Variants in TBX15 observed in about 807,000 individuals in gnomAD.
TBX15 encodes T-box transcription factor 15.
A neutral mutation model predicts 53.9 loss-of-function variants in TBX15; 18 were observed. The ratio of observed to expected loss-of-function variants is 0.33; its 90% CI spans 0.23 to 0.49. TBX15 has a LOEUF of 0.49. TBX15 is among the 20% of genes least tolerant of loss of function. The pLI is 0.98. For synonymous variants in TBX15, 295 were observed against 278.0 expected (o/e 1.06, Z -0.61); for missense variants, 692 against 749.5 (o/e 0.92, Z 0.90).
At chr1:118,974,799 G>C (rs1392445340) in intron 1 of TBX15, among the ~76,000 whole-genome samples, 1 of 152,192 alleles carries the variant, frequency 6.6e-6, no homozygotes, top group African/African-American at 2.4e-5. Context: ...TACCCTAACA[G>C]CGGGTGTACT....
At chr1:118,940,203 G>A (rs764205013) in intron 1 of TBX15, among the ~76,000 whole-genome samples, 7 of 151,880 alleles carry the variant, frequency 4.6e-5, no homozygotes, top group Non-Finnish European at 8.8e-5. Context: ...AAATTCAAAC[G>A]AAGGTCTGAT....
intron 2 of TBX15, among the ~76,000 whole-genome samples, chr1:118,928,658 C>A (rs1655677793): frequency 6.6e-6 from 1 of 152,098 alleles, no homozygotes; most frequent in Non-Finnish European, 1.5e-5. Context: ...ATATGGTTTC[C>A]CCCAGTCACC....
chr1:118,896,803 G>A (rs1654444411), intron 7 of TBX15, among the ~76,000 whole-genome samples: 1 of 152,140 alleles, frequency 6.6e-6, no homozygotes, highest in Non-Finnish European at 1.5e-5. Context: ...TAGTTCTTAA[G>A]GGAAGAGGGG....
chr1:118,960,565 T>A (rs1427361480), intron 1 of TBX15, among the ~76,000 whole-genome samples: 2 of 152,058 alleles, frequency 1.3e-5, no homozygotes, highest in African/African-American at 4.8e-5. Context: ...ACAACACAAT[T>A]GAGCGACCAG....
At chr1:118,971,906 G>A (rs1402978462) in intron 1 of TBX15, among the ~76,000 whole-genome samples, 2 of 152,252 alleles carry the variant, frequency 1.3e-5, no homozygotes, top group Non-Finnish European at 2.9e-5. Context: ...CCTGTTGATA[G>A]TGTAAAGCCG....
chr1:118,923,485 T>C lies in TBX15; in HGVS notation c.812A>G (p.Asn271Ser). ...TGTGGTGAACACAGTCTCAGGAAAG[T>C]TGAACGTTTTCACCCCATCCCCAAC... ...VPVGDGVKTF[N>S]FPETVFTTVT... The change falls in exon 5 of 8, where the codon AAC becomes AGC. Residue 271 changes from asparagine to serine, a missense_variant. By Grantham distance (46) the Asn-to-Ser change is conservative. Transcript: ENST00000369429. 1 of 1,613,988 alleles carries C rather than the reference T, an allele frequency of 6.2e-7. No individual in the cohort carries two copies. The highest frequency in any genetic ancestry group is 8.5e-7 in the Non-Finnish European group (1 of 1,179,942).
At chr1:118,923,328 G>A in intron 5 of TBX15, 108 bp downstream of exon 5, 2 of 1,367,280 alleles carry the variant, frequency 1.5e-6, no homozygotes, top group Non-Finnish European at 2.1e-6. Context: ...AGTGGACTAA[G>A]GGTTGTTGTA....
chr1:118,931,908 G>A (rs1655800721), intron 1 of TBX15, 76 bp from the exon 2 acceptor site: 1 of 1,449,654 alleles, frequency 6.9e-7, no homozygotes, highest in South Asian at 1.3e-5. Context: ...AGATGGGGGT[G>A]GGAAATGCAA....
chr1:118,958,554 A>G (rs1656768124), intron 1 of TBX15, among the ~76,000 whole-genome samples: 1 of 152,296 alleles, frequency 6.6e-6, no homozygotes, highest in African/African-American at 2.4e-5. Context: ...ACTGCACTAA[A>G]TATTATTTAT....
chr1:118,892,915 C>T (rs772253173), intron 7 of TBX15, among the ~76,000 whole-genome samples: 4 of 152,048 alleles, frequency 2.6e-5, no homozygotes, highest in Non-Finnish European at 4.4e-5. Flanking sequence ...TTGTTCCCAA[C>T]TTACTATGTT....
intron 2 of TBX15, among the ~76,000 whole-genome samples, chr1:118,929,202 C>A (rs141731573): frequency 4.6e-4 from 70 of 152,286 alleles, no homozygotes; most frequent in Admixed American, 3.3e-3. Flanking sequence ...ACTGAGGGCT[C>A]TATAGACTTC....
chr1:118,973,112 T>C (rs1657290733), intron 1 of TBX15, among the ~76,000 whole-genome samples: 1 of 152,204 alleles, frequency 6.6e-6, no homozygotes, highest in Non-Finnish European at 1.5e-5. Context: ...CACCTTAGAT[T>C]TGTTATCTCA....
rs922736767 is a variant in TBX15 at position 118,945,086 on chromosome 1, A to G, written c.206-13254T>C. Among the ~76,000 whole-genome samples, 94 of 152,182 alleles carry G rather than the reference A, an allele frequency of 6.2e-4. 1 individual carries two copies. Among genetic ancestry groups the G allele is most frequent in the African/African-American group, 2.2e-3 (91 of 41,450 alleles). On this transcript the variant is annotated intron_variant, in intron 1 of 7. Coordinates refer to ENST00000369429, the MANE Select transcript of TBX15 (RefSeq NM_001330677.2). ...CGTAGCAGGGGAAAGAGAGGAGAATAGGAAAGTCAATCAGAAAATGGGTTT... is the reference window on the plus strand; with the variant it reads ...CGTAGCAGGGGAAAGAGAGGAGAATGGGAAAGTCAATCAGAAAATGGGTTT...
At position 118,923,625 on chromosome 1, in the gene TBX15, T is replaced by C. The variant is rs1251390485; in HGVS notation, c.694-22A>G. 1.9e-6 allele frequency: 3 copies of C among 1,613,620 alleles called. No homozygotes were observed. In the African/African-American group the frequency reaches 4.0e-5, roughly 22 times the overall value. ...TGATCTGAAATAAAAAGGGGAATTG[T>C]ACCAGGCTTGGCTTTAAGGAACCTA... On this transcript the variant is annotated intron_variant, in intron 4 of 7. Transcript: ENST00000369429.
chr1:118,944,942 A>T (rs1656301821), intron 1 of TBX15, among the ~76,000 whole-genome samples: 1 of 152,124 alleles, frequency 6.6e-6, no homozygotes, highest in Non-Finnish European at 1.5e-5. Flanking sequence ...TCCTCTGATG[A>T]CCTGTTTCCT....
intron 7 of TBX15, among the ~76,000 whole-genome samples, chr1:118,897,166 C>A (rs932484143): frequency 6.6e-6 from 1 of 152,200 alleles, no homozygotes; most frequent in Non-Finnish European, 1.5e-5. Flanking sequence ...CCCATGCAAG[C>A]TTCCTGTGTC....
intron 1 of TBX15, among the ~76,000 whole-genome samples, chr1:118,934,405 G>C (rs1000337940): frequency 6.6e-6 from 1 of 152,034 alleles, no homozygotes; most frequent in Non-Finnish European, 1.5e-5. Flanking sequence ...ATTCTATAAG[G>C]GTTTATAGTT....
rs1310217557 is a variant in TBX15 at position 118,883,880 on chromosome 1, G to C, written c.*852C>G. ...GACAAACCAAAAACACGTCTCCTTG[G>C]TGAATTAAAATTCTCATCATTGCTC... On this transcript the variant is annotated 3_prime_UTR_variant, in exon 8 of 8. Coordinates refer to ENST00000369429, the MANE Select transcript of TBX15 (RefSeq NM_001330677.2). 6.5e-6 allele frequency: 1 copy of C among 152,730 alleles called. No homozygotes were observed. Among genetic ancestry groups the C allele is most frequent in the African/African-American group, 2.4e-5 (1 of 41,434 alleles). The allele number at this position is 152,730 out of a possible 1,614,324, so 9.5% of individuals were successfully genotyped here.
intron 6 of TBX15, among the ~76,000 whole-genome samples, chr1:118,905,369 C>T (rs761555475): frequency 8.5e-5 from 13 of 152,188 alleles, no homozygotes; most frequent in Non-Finnish European, 1.8e-4. Context: ...ACAAAATGAT[C>T]GCCAATTTTC....
Sources: allele counts gnomAD v4.1 joint callset (sites outside exome capture counted in the v4.1 genomes callset), GRCh38; gene constraint gnomAD v4.1.1; transcripts MANE v1.5; gene names NCBI Gene and HGNC (gene_info 2026-07-23, HGNC 2026-07-21).